The following RSRP1 variants were observed in gnomAD, a reference collection of about 807,000 sequenced individuals.
The protein encoded by RSRP1 is arginine/serine-rich protein 1.
RSRP1 carries 37 observed loss-of-function variants against 33.0 expected under a neutral mutation model. The observed-to-expected ratio is 1.12, with a 90% CI of 0.86 to 1.48. The LOEUF is 1.48. Among genes scored for constraint, RSRP1 ranks in the 40% most tolerant of loss-of-function variants. The probability of loss-of-function intolerance (pLI) is 0.00; values close to 1 mark genes in which losing one functional copy is unlikely to be tolerated. For missense variants in RSRP1, 402 were observed against 385.3 expected (o/e 1.04, Z -0.36); for synonymous variants, 167 against 158.7 (o/e 1.05, Z -0.40).
chr1:25,245,002 T>C, intron 3 of RSRP1, 148 bp downstream of exon 3: 2 of 1,541,018 alleles, frequency 1.3e-6, no homozygotes, highest in Non-Finnish European at 1.7e-6. Context: ...GGTTTGACAT[T>C]GCCTATCTTC....
At chr1:25,245,349 T>C in intron 2 of RSRP1, 48 bp from the exon 3 acceptor site, 1 of 1,557,074 alleles carries the variant, frequency 6.4e-7, no homozygotes, top group Non-Finnish European at 8.8e-7. Flanking sequence ...ATCTGGTAGT[T>C]ATTTCCCAAG....
In RSRP1 at chr1:25,244,106, A is replaced by G; in HGVS notation, c.673-473T>C. 5 of 1,259,610 alleles carry G rather than the reference A, an allele frequency of 4.0e-6. 1 individual carries two copies. In the South Asian group the frequency reaches 6.5e-5, roughly 16 times the overall value. 78.0% of individuals were successfully genotyped at this position (1,259,610 alleles called of 1,614,324 possible). On this transcript the variant is annotated intron_variant, in intron 3 of 4. Coordinates refer to ENST00000243189, the MANE Select transcript of RSRP1 (RefSeq NM_020317.5). The stretch of plus-strand genomic sequence containing the variant: ...AGACGGGAGTCTTGCTCTGTCACCC[A>G]GGCTGGAGTGAAAAGTACAGTGCAA...
intron 1 of RSRP1, among the ~76,000 whole-genome samples, chr1:25,288,631 G>A (rs1341667935): frequency 7.9e-6 from 1 of 127,348 alleles, no homozygotes; most frequent in East Asian, 2.0e-4. Flanking sequence ...CCTTATAAAT[G>A]GAGGCACCAA....
chr1:25,329,139 T>C lies in RSRP1; in HGVS notation c.-67+8839A>G, dbSNP rs748167154. 47 of 1,107,532 alleles carry C rather than the reference T, an allele frequency of 4.2e-5. 10 individuals carry two copies. In the South Asian group the frequency reaches 6.0e-4, roughly 14 times the overall value. 68.6% of individuals were successfully genotyped at this position (1,107,532 alleles called of 1,614,324 possible). Reference sequence around the variant, plus strand: ...TGCACTGTAGAATACAACAATAAAATACAGCCATGTACCACATAACAACAT... The same window carrying C: ...TGCACTGTAGAATACAACAATAAAACACAGCCATGTACCACATAACAACAT... On this transcript the variant is annotated intron_variant, in intron 1 of 1. Coordinates refer to the RSRP1 transcript ENST00000561867.
At chr1:25,277,684 C>CTT (rs1394488076) in intron 1 of RSRP1, among the ~76,000 whole-genome samples, 5 of 126,110 alleles carry the variant, frequency 4.0e-5, no homozygotes, top group Admixed American at 1.5e-4. Context: ...TTATCAAAAG[C>CTT]TTTTTTTTTG....
rs866345923 is a variant in RSRP1 at position 25,318,993 on chromosome 1, C to T, written c.-67+18985G>A. ...GAGTAGCGTTAATTCCGTAAGTTAACGTTCAGTTCGTGGCAGCTGGCAATC... is the reference window on the plus strand; with the variant it reads ...GAGTAGCGTTAATTCCGTAAGTTAATGTTCAGTTCGTGGCAGCTGGCAATC... On this transcript the variant is annotated intron_variant, in intron 1 of 1. Transcript: ENST00000561867. 1.5e-5 allele frequency among the ~76,000 whole-genome samples: 2 copies of T among 132,848 alleles called. 1 individual carries two copies. The highest frequency in any genetic ancestry group is 3.6e-5 in the Non-Finnish European group (2 of 56,034). The allele number at this position is 132,848 out of a possible 152,430, so 87.2% of individuals were successfully genotyped here.
chr1:25,272,455 C>G, intron 1 of RSRP1: 1 of 1,406,512 alleles, frequency 7.1e-7, no homozygotes, highest in Non-Finnish European at 9.8e-7. Context: ...TGGCGGGTGT[C>G]TCCCCTATCG....
At chr1:25,262,581 C>G in intron 1 of RSRP1, among the ~76,000 whole-genome samples, 1 of 152,164 alleles carries the variant, frequency 6.6e-6, no homozygotes, top group East Asian at 1.9e-4. Context: ...AGATTGTCTG[C>G]AAGCTGGAGA....
At chr1:25,251,540 T>A (rs569270130), upstream of RSRP1, among the ~76,000 whole-genome samples, 4 of 152,212 alleles carry the variant, frequency 2.6e-5, no homozygotes, top group East Asian at 5.8e-4. Flanking sequence ...TGGCTTATTT[T>A]GTATTTTTAG....
At chr1:25,244,345 C>G in intron 3 of RSRP1, 1 of 1,288,338 alleles carries the variant, frequency 7.8e-7, no homozygotes, top group Non-Finnish European at 1.0e-6. Flanking sequence ...TAGTGCCTGT[C>G]CCAAATTCTA....
intron 1 of RSRP1, chr1:25,272,746 G>T (rs1207259264): frequency 7.3e-7 from 1 of 1,374,108 alleles, no homozygotes; most frequent in Non-Finnish European, 1.0e-6. Flanking sequence ...AGGGGCAGGG[G>T]CGGGGGAGGC....
rs1258033121 is a variant in RSRP1, at chr1:25,278,891, G to A, written c.-66-31862C>T. Among the ~76,000 whole-genome samples, 2 of 128,758 alleles carry A rather than the reference G, an allele frequency of 1.6e-5. 1 individual carries two copies. Among genetic ancestry groups the A allele is most frequent in the Non-Finnish European group, 3.7e-5 (2 of 54,582 alleles). The allele number at this position is 128,758 out of a possible 152,430, so 84.5% of individuals were successfully genotyped here. On this transcript the variant is annotated intron_variant, in intron 1 of 1. Transcript: ENST00000561867. Reference sequence around the variant, plus strand: ...CCGGTAGAGTAGAGGCTGTGGGCGAGGAGGTGGCGGCCTCCTGAGGCTGCA... The same window carrying A: ...CCGGTAGAGTAGAGGCTGTGGGCGAAGAGGTGGCGGCCTCCTGAGGCTGCA...
At chr1:25,260,949 C>T (rs1212627627) in intron 1 of RSRP1, among the ~76,000 whole-genome samples, 1 of 151,992 alleles carries the variant, frequency 6.6e-6, no homozygotes, top group Non-Finnish European at 1.5e-5. Context: ...CTACAGGTGC[C>T]CGCCATCATG....
chr1:25,248,882 C>G (rs1287871390), upstream of RSRP1, among the ~76,000 whole-genome samples: 1 of 152,168 alleles, frequency 6.6e-6, no homozygotes, highest in Middle Eastern at 3.2e-3. Context: ...GTCGCGGTGG[C>G]TCACGCTTGT....
chr1:25,330,677 T>A lies in RSRP1; in HGVS notation c.-67+7301A>T, dbSNP rs1294888834. ...GGAGGCTGTGTGTATATCCTCATTGTCTTTCACATTCTAAGGTGGTTCCAC... is the reference window on the plus strand; with the variant it reads ...GGAGGCTGTGTGTATATCCTCATTGACTTTCACATTCTAAGGTGGTTCCAC... On this transcript the variant is annotated intron_variant, in intron 1 of 1. Transcript: ENST00000561867. Among the ~76,000 whole-genome samples the A allele has an allele frequency of 3.0e-5, 4 of 132,180 alleles. 1 individual carries two copies. The highest frequency in any genetic ancestry group is 7.4e-5 in the Admixed American group (1 of 13,516). 86.7% of individuals were successfully genotyped at this position (132,180 alleles called of 152,430 possible).
intron 1 of RSRP1, among the ~76,000 whole-genome samples, chr1:25,286,211 G>T (rs1641975836): frequency 7.4e-6 from 1 of 135,424 alleles, no homozygotes. Context: ...TTTAGAGGCT[G>T]GGCATGGTGG....
chr1:25,289,233 T>C (rs2986150), intron 1 of RSRP1, among the ~76,000 whole-genome samples: 2,529 of 132,672 alleles, frequency 0.019, 403 homozygotes, highest in African/African-American at 0.06. Context: ...CTTACTCTGT[T>C]GCCCAGGCTG....
intron 1 of RSRP1, chr1:25,284,727 C>A (rs1641811680): frequency 7.2e-7 from 1 of 1,388,794 alleles, no homozygotes; most frequent in African/African-American, 1.4e-5. Flanking sequence ...TGAGCCAGTT[C>A]CCTTCTGGGA....
At chr1:25,334,230 G>A (rs1645051224) in intron 1 of RSRP1, among the ~76,000 whole-genome samples, 1 of 131,374 alleles carries the variant, frequency 7.6e-6, no homozygotes, top group African/African-American at 2.6e-5. Context: ...GGATAAATTG[G>A]TCAAAACAAA....
Sources: gnomAD v4.1 joint callset for allele counts (sites outside exome capture counted in the v4.1 genomes callset) on GRCh38, gnomAD v4.1.1 for gene constraint, MANE v1.5 for transcripts, NCBI Gene and HGNC (gene_info 2026-07-23, HGNC 2026-07-21) for gene names.